The following DTL variants were observed in gnomAD, a reference collection of about 807,000 sequenced individuals.
DTL encodes denticleless E3 ubiquitin protein ligase adapter.
Under a neutral mutation model 87.0 loss-of-function variants are expected in DTL, and 46 were observed. The observed-to-expected ratio is 0.53, with a 90% CI of 0.42 to 0.68. DTL has a LOEUF of 0.68. Ranked by LOEUF, DTL falls within the 30% of genes least tolerant of loss-of-function variation. DTL has a pLI of 0.00. For synonymous variants in DTL, 308 were observed against 311.2 expected (o/e 0.99, Z 0.11); for missense variants, 737 against 869.4 (o/e 0.85, Z 1.91).
chr1:212,051,313 T>A (rs1571945929), intron 5 of DTL, among the ~76,000 whole-genome samples: 1 of 152,140 alleles, frequency 6.6e-6, no homozygotes, highest in East Asian at 1.9e-4. Context: ...TATCATTTCC[T>A]TGAACAACGT....
At chr1:212,091,705 C>T (rs1345459705) in intron 13 of DTL, among the ~76,000 whole-genome samples, 2 of 152,166 alleles carry the variant, frequency 1.3e-5, no homozygotes, top group Non-Finnish European at 2.9e-5. Context: ...ACAAATACTG[C>T]ATGATCTCAC....
intron 11 of DTL, among the ~76,000 whole-genome samples, chr1:212,075,010 C>T (rs989498076): frequency 2.0e-5 from 3 of 152,108 alleles, no homozygotes; most frequent in African/African-American, 7.2e-5. Flanking sequence ...TGGTTTGTTT[C>T]TGATATAGCC....
intron 5 of DTL, among the ~76,000 whole-genome samples, chr1:212,062,231 A>G (rs746959804): frequency 1.3e-5 from 2 of 152,198 alleles, no homozygotes; most frequent in African/African-American, 2.4e-5. Flanking sequence ...CAAGTGGATT[A>G]GTTTAAGTGC....
chr1:212,103,487 A>G lies in DTL; in HGVS notation c.*547A>G, dbSNP rs1312122692. The stretch of plus-strand genomic sequence containing the variant: ...ATGTGTAAAAATGTGATGCTCAGAT[A>G]AGTACATTTATATCAGTTCAGTGTT... On this transcript the variant is annotated 3_prime_UTR_variant, in exon 15 of 15. Coordinates refer to ENST00000366991, the MANE Select transcript of DTL (RefSeq NM_016448.4). 1.3e-5 allele frequency: 2 copies of G among 152,242 alleles called. No individual in the cohort carries two copies. Among genetic ancestry groups the G allele is most frequent in the Non-Finnish European group, 2.9e-5 (2 of 68,070 alleles). 9.4% of individuals were successfully genotyped at this position (152,242 alleles called of 1,614,324 possible).
At chr1:212,084,564 C>T (rs572300161) in intron 13 of DTL, among the ~76,000 whole-genome samples, 2 of 152,192 alleles carry the variant, frequency 1.3e-5, no homozygotes, top group African/African-American at 2.4e-5. Context: ...AGATAAATAG[C>T]AGTCCACAGA....
intron 13 of DTL, among the ~76,000 whole-genome samples, chr1:212,081,677 T>C (rs1296480127): frequency 6.6e-6 from 1 of 152,220 alleles, no homozygotes; most frequent in Non-Finnish European, 1.5e-5. Context: ...ATTTTGGATA[T>C]ATTTACAAGA....
chr1:212,090,106 A>T (rs1655239945), intron 13 of DTL, among the ~76,000 whole-genome samples: 1 of 152,198 alleles, frequency 6.6e-6, no homozygotes, highest in Non-Finnish European at 1.5e-5. Context: ...TTTCATGAAT[A>T]GGTCCCTGTT....
chr1:212,045,631 G>T (rs531535591), intron 3 of DTL, among the ~76,000 whole-genome samples: 10 of 152,286 alleles, frequency 6.6e-5, no homozygotes, highest in Non-Finnish European at 1.3e-4. Flanking sequence ...TAGTAAAGAA[G>T]GCTAGGAAAA....
intron 5 of DTL, among the ~76,000 whole-genome samples, chr1:212,048,303 C>T (rs1293173191): frequency 6.6e-6 from 1 of 152,132 alleles, no homozygotes; most frequent in Non-Finnish European, 1.5e-5. Flanking sequence ...AATCCTCTCC[C>T]TCAGCGTCCC....
intron 1 of DTL, among the ~76,000 whole-genome samples, chr1:212,036,542 A>C (rs992870998): frequency 6.6e-6 from 1 of 152,234 alleles, no homozygotes; most frequent in Non-Finnish European, 1.5e-5. Context: ...AGATTGAAGT[A>C]TATTATTCCA....
chr1:212,065,443 A>C (rs1654463895), intron 7 of DTL, among the ~76,000 whole-genome samples: 1 of 152,128 alleles, frequency 6.6e-6, no homozygotes, highest in Non-Finnish European at 1.5e-5. Flanking sequence ...TGATCAAATC[A>C]GGGTAATTGA....
chr1:212,042,783 A>G (rs978850482), intron 1 of DTL, among the ~76,000 whole-genome samples: 2 of 152,134 alleles, frequency 1.3e-5, no homozygotes, highest in Non-Finnish European at 2.9e-5. Flanking sequence ...CCAAAGCTAT[A>G]CCTCCCCAGA....
rs373265000 is a variant in DTL, at chr1:212,098,594, C to T, written c.1262-1658C>T. Among the ~76,000 whole-genome samples the T allele has an allele frequency of 3.4e-4, 51 of 152,002 alleles. 1 individual carries two copies. The highest frequency in any genetic ancestry group is 1.1e-3 in the African/African-American group (44 of 41,430). On this transcript the variant is annotated intron_variant, in intron 13 of 14. Coordinates refer to ENST00000366991, the MANE Select transcript of DTL (RefSeq NM_016448.4). The stretch of plus-strand genomic sequence containing the variant: ...GGCAGGGCTTGCTGTGGCCTCTGGG[C>T]GATGGGAGTGGTGGTTAACAGGCCA...
intron 11 of DTL, among the ~76,000 whole-genome samples, chr1:212,074,172 A>T (rs1353686150): frequency 1.3e-5 from 2 of 151,608 alleles, no homozygotes; most frequent in African/African-American, 2.4e-5. Flanking sequence ...TTATGTATAC[A>T]ATTACATGTG....
At chr1:212,067,954 C>G (rs1654558083) in intron 8 of DTL, among the ~76,000 whole-genome samples, 1 of 152,136 alleles carries the variant, frequency 6.6e-6, no homozygotes, top group African/African-American at 2.4e-5. Context: ...GGCACTCAAC[C>G]TTCATCTTCC....
intron 5 of DTL, among the ~76,000 whole-genome samples, chr1:212,053,782 C>T (rs774657268): frequency 3.9e-5 from 6 of 152,080 alleles, no homozygotes; most frequent in Admixed American, 1.3e-4. Context: ...GATGGGGTTT[C>T]GCCATGTTGC....
At chr1:212,046,436 C>G (rs1278477068) in intron 3 of DTL, among the ~76,000 whole-genome samples, 1 of 152,150 alleles carries the variant, frequency 6.6e-6, no homozygotes, top group Non-Finnish European at 1.5e-5. Flanking sequence ...CTGATGTTCT[C>G]CCTCTCCATG....
At chr1:212,068,559 C>A in intron 9 of DTL, 40 bp from the exon 10 acceptor site, 1 of 1,269,680 alleles carries the variant, frequency 7.9e-7, no homozygotes, top group Non-Finnish European at 1.1e-6. Context: ...GATCTACTCA[C>A]CATCATCAGG....
At chr1:212,073,164 T>C (rs566436741) in intron 11 of DTL, among the ~76,000 whole-genome samples, 1 of 152,232 alleles carries the variant, frequency 6.6e-6, no homozygotes, top group Non-Finnish European at 1.5e-5. Context: ...GTGGAGAAAA[T>C]AAAAATGTTA....
Sources: gnomAD v4.1 joint callset for allele counts (sites outside exome capture counted in the v4.1 genomes callset) on GRCh38, gnomAD v4.1.1 for gene constraint, MANE v1.5 for transcripts, NCBI Gene and HGNC (gene_info 2026-07-23, HGNC 2026-07-21) for gene names.